Variants in CDH18 observed in about 807,000 individuals in gnomAD.
CDH18 encodes cadherin 18, also known as cadherin-18.
In CDH18, 31 loss-of-function variants were observed where a neutral mutation model predicts 67.9. That is an observed-to-expected ratio of 0.46 (90% CI 0.34 to 0.62). The LOEUF (loss-of-function observed/expected upper bound fraction) is 0.62. Ranked by LOEUF, CDH18 falls within the 20% of genes least tolerant of loss-of-function variation. CDH18 has a pLI of 0.01. For missense variants in CDH18, 890 were observed against 975.5 expected (o/e 0.91, Z 1.17); for synonymous variants, 362 against 347.2 (o/e 1.04, Z -0.48).
At chr5:20,573,166 A>G (rs1581219202) in intron 1 of CDH18, among the ~76,000 whole-genome samples, 1 of 152,260 alleles carries the variant, frequency 6.6e-6, no homozygotes, top group East Asian at 1.9e-4. Context: ...GAATCAAAGT[A>G]ATATTGAGTA....
chr5:20,485,591 T>C (rs1753114693), intron 1 of CDH18, among the ~76,000 whole-genome samples: 1 of 151,012 alleles, frequency 6.6e-6, no homozygotes, highest in African/African-American at 2.5e-5. Flanking sequence ...TCAAATTAAT[T>C]TAGCCTTTTA....
intron 3 of CDH18, among the ~76,000 whole-genome samples, chr5:19,834,747 T>C (rs898917221): frequency 2.0e-5 from 3 of 152,108 alleles, no homozygotes; most frequent in African/African-American, 7.2e-5. Flanking sequence ...TGGTTTCAAA[T>C]AACTTCTTGA....
intron 2 of CDH18, among the ~76,000 whole-genome samples, chr5:20,150,440 T>G (rs1291712690): frequency 6.6e-6 from 1 of 152,022 alleles, no homozygotes; most frequent in Non-Finnish European, 1.5e-5. Context: ...TGAAGTATAA[T>G]AAGTTCAGAT....
At chr5:20,531,112 T>C (rs1176931979) in intron 1 of CDH18, among the ~76,000 whole-genome samples, 3 of 152,126 alleles carry the variant, frequency 2.0e-5, no homozygotes, top group African/African-American at 4.8e-5. Context: ...AGAAGACTTT[T>C]ATATGGCCAA....
chr5:20,406,162 A>G (rs1746230179), intron 1 of CDH18, among the ~76,000 whole-genome samples: 2 of 152,334 alleles, frequency 1.3e-5, no homozygotes, highest in African/African-American at 4.8e-5. Context: ...TATTGACAAT[A>G]GCAAAGACTT....
At chr5:19,722,338 G>C (rs1276504058) in intron 4 of CDH18, among the ~76,000 whole-genome samples, 1 of 151,822 alleles carries the variant, frequency 6.6e-6, no homozygotes, top group Non-Finnish European at 1.5e-5. Context: ...AAAGGTGTGA[G>C]CCACTGCGCA....
At chr5:19,643,369 G>T (rs1206172695) in intron 5 of CDH18, among the ~76,000 whole-genome samples, 1 of 152,134 alleles carries the variant, frequency 6.6e-6, no homozygotes, top group Non-Finnish European at 1.5e-5. Context: ...ATTTTGAGAA[G>T]ATAACTATAG....
At chr5:20,460,161 G>A (rs766778305) in intron 1 of CDH18, among the ~76,000 whole-genome samples, 65 of 152,146 alleles carry the variant, frequency 4.3e-4, no homozygotes, top group Middle Eastern at 3.4e-3. Context: ...TTGGGAGGCC[G>A]AGGTGGGTGG....
chr5:20,554,969 T>C (rs1757819642), intron 1 of CDH18, among the ~76,000 whole-genome samples: 1 of 152,186 alleles, frequency 6.6e-6, no homozygotes, highest in African/African-American at 2.4e-5. Context: ...TTGATCCAAC[T>C]GCATCAGGCA....
At chr5:20,163,478 C>A (rs1455060649) in intron 2 of CDH18, among the ~76,000 whole-genome samples, 1 of 152,146 alleles carries the variant, frequency 6.6e-6, no homozygotes, top group South Asian at 2.1e-4. Context: ...TTATTCTTAA[C>A]AGAAAATCTA....
Position 19,473,354 on chromosome 5 carries a change from AC to A in CDH18, c.2244del (p.Ser749LeufsTer29). The A allele has an allele frequency of 1.9e-6, 3 of 1,613,906 alleles. No individual in the cohort carries two copies. Among genetic ancestry groups the A allele is most frequent in the Non-Finnish European group, 2.5e-6 (3 of 1,179,908 alleles). On this transcript the variant is annotated frameshift_variant, in exon 13 of 13. Transcript: ENST00000382275. LOFTEE classifies it high-confidence loss of function. ...GTTGCTGAATCCAGCGAGCTGATAG[AC>A]CCAGCTTCTGATCTCTGACCCTCAT... Reference protein sequence around the residue: ...YAYEGQRSEAGSISSLDSATT... With the variant: ...YAYEGQRSEAXSISSLDSATT...
intron 2 of CDH18, among the ~76,000 whole-genome samples, chr5:20,226,202 CA>C (rs1221447240): frequency 1.3e-5 from 2 of 151,172 alleles, no homozygotes; most frequent in Non-Finnish European, 3.0e-5. Context: ...CTTCAGAAAG[CA>C]AAAAAAATCT....
At chr5:20,143,520 G>A (rs1047782852) in intron 2 of CDH18, among the ~76,000 whole-genome samples, 2 of 151,960 alleles carry the variant, frequency 1.3e-5, no homozygotes, top group Admixed American at 6.6e-5. Flanking sequence ...CGCATGCACC[G>A]CTATGCCCAG....
At chr5:19,520,306 C>T (rs565136709) in intron 10 of CDH18, among the ~76,000 whole-genome samples, 2 of 152,258 alleles carry the variant, frequency 1.3e-5, no homozygotes, top group East Asian at 3.9e-4. Flanking sequence ...TAGAGCTAGT[C>T]CCTCTGACAC....
intron 2 of CDH18, among the ~76,000 whole-genome samples, chr5:19,931,760 CTT>C (rs1234464764): frequency 1.3e-5 from 2 of 151,742 alleles, no homozygotes; most frequent in Non-Finnish European, 2.9e-5. Context: ...CTCCAAATTT[CTT>C]TCTCTTTCCC....
chr5:20,416,333 T>C (rs1174691763), intron 1 of CDH18, among the ~76,000 whole-genome samples: 1 of 152,104 alleles, frequency 6.6e-6, no homozygotes, highest in Non-Finnish European at 1.5e-5. Context: ...GTTCTATTAA[T>C]AGAGAAATGA....
chr5:20,460,281 ACTTGGGAGGCTGAG>A (rs1156297424), intron 1 of CDH18, among the ~76,000 whole-genome samples: 1 of 151,962 alleles, frequency 6.6e-6, no homozygotes, highest in Non-Finnish European at 1.5e-5. Flanking sequence ...AGTCCCAGCT[ACTTGGGAGGCTGAG>A]GCAGGAGAAT....
At chr5:19,831,241 T>C (rs1294155437) in intron 3 of CDH18, among the ~76,000 whole-genome samples, 2 of 151,886 alleles carry the variant, frequency 1.3e-5, no homozygotes, top group African/African-American at 2.4e-5. Flanking sequence ...TGAAAAGCAA[T>C]CACAAAACAA....
intron 2 of CDH18, among the ~76,000 whole-genome samples, chr5:20,203,041 A>T (rs6873923): frequency 0.7 from 105,724 of 151,932 alleles, 37,432 homozygotes; most frequent in African/African-American, 0.84. Flanking sequence ...CAAAAAGACT[A>T]AGCAGAGAGT....
Sources: gnomAD v4.1 joint callset for allele counts (sites outside exome capture counted in the v4.1 genomes callset) on GRCh38, gnomAD v4.1.1 for gene constraint, MANE v1.5 for transcripts, NCBI Gene and HGNC (gene_info 2026-07-23, HGNC 2026-07-21) for gene names.